The following HFM1 variants were observed in gnomAD, a reference collection of about 807,000 sequenced individuals.
HFM1 encodes the protein probable ATP-dependent DNA helicase HFM1.
In HFM1, 169 loss-of-function variants were observed where a neutral mutation model predicts 192.1. That is an observed-to-expected ratio of 0.88 (90% confidence interval 0.78 to 1.00). The LOEUF (loss-of-function observed/expected upper bound fraction) is 1.00, where lower values mean the gene tolerates loss of function less well. Ranked by LOEUF, HFM1 falls within the 50% of genes least tolerant of loss-of-function variation. The pLI is 0.00. For missense variants in HFM1, 1,661 were observed against 1,668.0 expected (o/e 1.00, Z 0.07); for synonymous variants, 525 against 537.8 (o/e 0.98, Z 0.33).
chr1:91,339,987 G>A (rs570087861), intron 20 of HFM1, among the ~76,000 whole-genome samples: 5 of 152,120 alleles, frequency 3.3e-5, no homozygotes, highest in Admixed American at 6.5e-5. Flanking sequence ...AATCCTACAC[G>A]CCAGAAGAGT....
intron 20 of HFM1, chr1:91,329,568 G>A: frequency 7.9e-7 from 1 of 1,262,990 alleles, no homozygotes; most frequent in South Asian, 1.5e-5. Context: ...TTGCCCTCTT[G>A]TACCCTTAAG....
intron 6 of HFM1, among the ~76,000 whole-genome samples, chr1:91,384,814 G>C (rs532792953): frequency 2.7e-5 from 4 of 150,664 alleles, no homozygotes; most frequent in African/African-American, 9.8e-5. Flanking sequence ...CACAATCTCA[G>C]CTCACTGCAA....
chr1:91,329,118 G>C, intron 20 of HFM1: 1 of 1,609,892 alleles, frequency 6.2e-7, no homozygotes, highest in Non-Finnish European at 8.5e-7. Flanking sequence ...GCGGGCTGTG[G>C]ATCTAATCCA....
chr1:91,334,088 CT>C (rs1442332615), intron 20 of HFM1, among the ~76,000 whole-genome samples: 3 of 152,120 alleles, frequency 2.0e-5, no homozygotes, highest in Non-Finnish European at 4.4e-5. Context: ...GGGGAAAATC[CT>C]GTTTATCCAA....
rs1448831022 is a variant in HFM1 at position 91,266,101 on chromosome 1, C to T, written c.3890G>A (p.Gly1297Glu). The T allele has an allele frequency of 1.3e-6, 2 of 1,589,568 alleles. No homozygotes were observed. The highest frequency in any genetic ancestry group is 2.7e-5 in the African/African-American group (2 of 72,740). ...CCTGGTACTTGAACTCAAAGTGTTT[C>T]CAAATCCTATGTGAAGAGATAACAT... is the stretch of plus-strand genomic sequence containing the variant. ...DTEKTKISGF[G>E]NTLSSSTRGS... Residue 1297 changes from glycine (G) to glutamate (E), a missense_variant, in exon 36 of 39, where the codon GGA (glycine) becomes GAA (glutamate). Transcript: ENST00000370425.
At chr1:91,373,994 G>A (rs1184209791) in intron 13 of HFM1, among the ~76,000 whole-genome samples, 1 of 152,090 alleles carries the variant, frequency 6.6e-6, no homozygotes, top group Non-Finnish European at 1.5e-5. Context: ...ATTATAGTAA[G>A]TGCTATGAAA....
At chr1:91,402,941 C>G (rs1664456400) in intron 1 of HFM1, among the ~76,000 whole-genome samples, 1 of 152,054 alleles carries the variant, frequency 6.6e-6, no homozygotes, top group Admixed American at 6.5e-5. Context: ...CCTATACAAA[C>G]AGCAAATATT....
chr1:91,308,835 C>T (rs181347555), intron 30 of HFM1, among the ~76,000 whole-genome samples: 10 of 152,288 alleles, frequency 6.6e-5, no homozygotes, highest in Admixed American at 5.9e-4. Flanking sequence ...TTCCCTTTCC[C>T]TCTGTCAGGC....
At chr1:91,296,759 T>C (rs369908549) in intron 30 of HFM1, among the ~76,000 whole-genome samples, 9 of 152,332 alleles carry the variant, frequency 5.9e-5, no homozygotes, top group African/African-American at 1.9e-4. Flanking sequence ...TATTACAAGG[T>C]TGATATTTTA....
At chr1:91,264,017 G>A (rs1320036818) in intron 36 of HFM1, among the ~76,000 whole-genome samples, 3 of 152,058 alleles carry the variant, frequency 2.0e-5, no homozygotes, top group South Asian at 2.1e-4. Context: ...GGTTATATCC[G>A]TTTATTCTAT....
chr1:91,361,019 C>A (rs1658422169), intron 13 of HFM1, among the ~76,000 whole-genome samples: 1 of 152,140 alleles, frequency 6.6e-6, no homozygotes, highest in South Asian at 2.1e-4. Context: ...GACAATGTAC[C>A]TGAATCTCTG....
rs908781082 is a variant in HFM1, at chr1:91,369,962, C to T, written c.1685+5396G>A. ...CTACCATCAGAGAATACTATAAACACCTCTACGCAAATAAACTAGAAAATC... is the reference window on the plus strand; with the variant it reads ...CTACCATCAGAGAATACTATAAACATCTCTACGCAAATAAACTAGAAAATC... On this transcript the variant is annotated intron_variant, in intron 13 of 38. Transcript: ENST00000370425. Among the ~76,000 whole-genome samples, 36 of 152,308 alleles carry T rather than the reference C, an allele frequency of 2.4e-4. 1 individual carries two copies. The highest frequency in any genetic ancestry group is 6.8e-3 in the Middle Eastern group (2 of 294).
intron 30 of HFM1, among the ~76,000 whole-genome samples, chr1:91,297,606 G>A (rs948396848): frequency 5.3e-5 from 8 of 152,196 alleles, no homozygotes; most frequent in Non-Finnish European, 8.8e-5. Context: ...CCAGAGGAAC[G>A]ATCAGGCAGC....
rs1411753611 is a variant in HFM1, at chr1:91,329,414, G to A, written c.2336-4648C>T. ...GCCGCCTGGATGATTTCTTCAAGGT[G>A]ACTGGCTCACTCTCTTCAGCTAAGT... On this transcript the variant is annotated intron_variant, in intron 20 of 38. Transcript: ENST00000370425. 12 of 1,575,814 alleles carry A rather than the reference G, an allele frequency of 7.6e-6. No individual in the cohort carries two copies. The South Asian group carries it at 1.4e-4, about 18-fold the overall frequency.
In HFM1 at chr1:91,375,572, A is replaced by T. The variant is rs191345623; in HGVS notation, c.1551T>A (p.Ile517=). Reference sequence around the variant, plus strand: ...CAGAGTACATTTGTATAACACTGGCAATTTTGTAGTTGAGGGTTAAATCAA... The same window carrying T: ...CAGAGTACATTTGTATAACACTGGCTATTTTGTAGTTGAGGGTTAAATCAA... The part of the protein sequence containing the change: ...FKFDLTLNYK[I]ASVIQMYSDQ... Residue 517 remains isoleucine (I), a synonymous_variant, in exon 12 of 39, where the codon ATT becomes ATA. Transcript: ENST00000370425. 6.8e-4 allele frequency: 1,095 copies of T among 1,613,504 alleles called. 5 individuals are homozygous for T. The African/African-American group carries it at 0.013, about 19-fold the overall frequency.
chr1:91,360,526 G>A (rs536032989), intron 13 of HFM1, among the ~76,000 whole-genome samples: 19 of 152,174 alleles, frequency 1.2e-4, no homozygotes, highest in African/African-American at 4.3e-4. Context: ...CCCAATACAG[G>A]AGCACCCAGA....
intron 32 of HFM1, among the ~76,000 whole-genome samples, chr1:91,275,942 T>C (rs765578078): frequency 1.3e-4 from 20 of 152,134 alleles, no homozygotes; most frequent in Non-Finnish European, 2.6e-4. Context: ...TCCCTTAAAA[T>C]AGCAAAAAGG....
chr1:91,286,606 TTA>T (rs1183783547), intron 30 of HFM1, among the ~76,000 whole-genome samples: 2 of 152,204 alleles, frequency 1.3e-5, no homozygotes, highest in African/African-American at 2.4e-5. Context: ...CTTAACTTGA[TTA>T]TATCTGTAAA....
At chr1:91,378,260 T>C (rs1661146054) in intron 10 of HFM1, 77 bp from the exon 11 acceptor site, 5 of 1,282,126 alleles carry the variant, frequency 3.9e-6, no homozygotes, top group Non-Finnish European at 5.4e-6. Flanking sequence ...TTCAATAATA[T>C]TAACATTCTT....
Sources: allele counts gnomAD v4.1 joint callset (sites outside exome capture counted in the v4.1 genomes callset), GRCh38; gene constraint gnomAD v4.1.1; transcripts MANE v1.5; gene names NCBI Gene and HGNC (gene_info 2026-07-23, HGNC 2026-07-21).